OTOP1: variants seen among roughly 807,000 people sequenced by gnomAD.
The protein encoded by OTOP1 is otopetrin 1.
OTOP1 carries 59 observed loss-of-function variants against 52.9 expected under a neutral mutation model. The observed-to-expected ratio is 1.12, with a 90% confidence interval of 0.91 to 1.39. The LOEUF (loss-of-function observed/expected upper bound fraction) is 1.39, where lower values mean the gene tolerates loss of function less well. Ranked by LOEUF, OTOP1 falls within the 40% of genes most tolerant of loss-of-function variation. The pLI, the probability that OTOP1 is intolerant of heterozygous loss-of-function variation, is 0.00. For synonymous variants in OTOP1, 317 were observed against 337.7 expected (o/e 0.94, Z 0.67); for missense variants, 761 against 800.9 (o/e 0.95, Z 0.60).
chr4:4,198,207 C>A, intron 4 of OTOP1, 104 bp from the exon 5 acceptor site: 1 of 909,104 alleles, frequency 1.1e-6, no homozygotes, highest in Non-Finnish European at 1.7e-6. Context: ...CTTGGGTCTT[C>A]CCACTGGATT....
intron 4 of OTOP1, among the ~76,000 whole-genome samples, chr4:4,198,677 G>A (rs370770416): frequency 1.3e-5 from 2 of 152,166 alleles, no homozygotes; most frequent in Non-Finnish European, 2.9e-5. Flanking sequence ...GGAGACAGGC[G>A]CCGTCCGATA....
At chr4:4,222,413 C>T (rs1045548207) in intron 1 of OTOP1, among the ~76,000 whole-genome samples, 2 of 151,946 alleles carry the variant, frequency 1.3e-5, no homozygotes, top group Non-Finnish European at 2.9e-5. Context: ...CTGGACTGAC[C>T]CTCCTTTTGC....
chr4:4,215,747 T>C (rs1717132376), intron 1 of OTOP1, among the ~76,000 whole-genome samples: 1 of 152,158 alleles, frequency 6.6e-6, no homozygotes, highest in Admixed American at 6.6e-5. Context: ...CTCTGAACTG[T>C]CTTTGCAACT....
Position 4,198,068 on chromosome 4 carries a change from G to A in OTOP1, c.766C>T (p.Pro256Ser). The change falls in exon 5 of 6, where the codon CCC (proline) becomes TCC (serine). Residue 256 changes from proline (P) to serine (S), a missense_variant. Around this residue, in one of 3 missense-constraint regions of OTOP1, gnomAD observed 632 missense variants for 619.5 expected, o/e 1.02. Coordinates refer to ENST00000296358, the MANE Select transcript of OTOP1 (RefSeq NM_177998.3). ...GAGATGGCAGTGCACAGAGTTGGGG[G>A]CGTGCAGTTACACTGCGGTGTGTGG... ...DDHTPQCNCT[P>S]PTLCTAISHG... The A allele has an allele frequency of 6.2e-7, 1 of 1,614,160 alleles. No individual in the cohort carries two copies. The highest frequency in any genetic ancestry group is 8.5e-7 in the Non-Finnish European group (1 of 1,180,000).
At chr4:4,213,087 T>C in intron 1 of OTOP1, 83 bp from the exon 2 acceptor site, 1 of 1,509,754 alleles carries the variant, frequency 6.6e-7, no homozygotes, top group Non-Finnish European at 9.1e-7. Flanking sequence ...AATTATATTG[T>C]GTATTAAACC....
chr4:4,219,826 T>C (rs1164972917), intron 1 of OTOP1, among the ~76,000 whole-genome samples: 1 of 121,012 alleles, frequency 8.3e-6, no homozygotes, highest in African/African-American at 2.6e-5. Context: ...TATGTATACA[T>C]ATGTGTATAC....
Position 4,197,501 on chromosome 4 carries a change from C to A in OTOP1, c.1333G>T (p.Glu445Ter), listed in dbSNP as rs566380189. The A allele has an allele frequency of 3.7e-5, 59 of 1,613,746 alleles. No homozygotes were observed. Among genetic ancestry groups the A allele is most frequent in the Non-Finnish European group, 3.8e-5 (45 of 1,179,976 alleles). The change falls in exon 5 of 6, where the codon GAA (glutamate) becomes TAA (stop). Residue 445 changes from glutamate to a stop codon, truncating the protein, a stop_gained. Transcript: ENST00000296358. LOFTEE classifies it high-confidence loss of function. ...TTTTCAGGCTCTCGGTGAATGGATT[C>A]AAAGATGAAGAGGTTCTGGATGTAC... ...EKYIQNLFIFESIHREPEKLS... is the reference protein window; with the variant it reads ...EKYIQNLFIF
At chr4:4,199,231 T>TGAGA (rs1414526042) in intron 4 of OTOP1, among the ~76,000 whole-genome samples, 20 of 95,876 alleles carry the variant, frequency 2.1e-4, no homozygotes, top group African/African-American at 6.4e-4. Flanking sequence ...TGTGTGTGTG[T>TGAGA]GTGAGAGAGA....
At chr4:4,214,185 G>A (rs1329512291) in intron 1 of OTOP1, among the ~76,000 whole-genome samples, 1 of 152,120 alleles carries the variant, frequency 6.6e-6, no homozygotes, top group Non-Finnish European at 1.5e-5. Flanking sequence ...AAGATGGCCA[G>A]CAAGTACATG....
At chr4:4,194,466 C>T (rs1431723634) in intron 5 of OTOP1, among the ~76,000 whole-genome samples, 3 of 152,240 alleles carry the variant, frequency 2.0e-5, no homozygotes, top group African/African-American at 7.2e-5. Context: ...GGGCCTTCCG[C>T]CTTCAGCGCC....
At chr4:4,204,484 G>C (rs185492208) in intron 3 of OTOP1, among the ~76,000 whole-genome samples, 2 of 152,228 alleles carry the variant, frequency 1.3e-5, no homozygotes, top group Non-Finnish European at 2.9e-5. Context: ...CTGAACTCAA[G>C]GAGGTAGCAC....
rs1199701599 is a variant in OTOP1, at chr4:4,197,813, T to C, written c.1021A>G (p.Thr341Ala). 9 of 1,613,964 alleles carry C rather than the reference T, an allele frequency of 5.6e-6. No homozygotes were observed. The highest frequency in any genetic ancestry group is 7.6e-6 in the Non-Finnish European group (9 of 1,180,000). ...ATGATGAGTGCCGACTCGCTCTTGG[T>C]CTTGGAGCGCCCAATATGAATCAGG... ...VYLIHIGRSKTKSESALIMFY... is the reference protein window; with the variant it reads ...VYLIHIGRSKAKSESALIMFY... Residue 341 changes from threonine to alanine, a missense_variant, in exon 5 of 6, where the codon ACC becomes GCC. Coordinates refer to ENST00000296358, the MANE Select transcript of OTOP1 (RefSeq NM_177998.3).
At chr4:4,202,338 G>T in intron 4 of OTOP1, 110 bp downstream of exon 4, 1 of 1,474,864 alleles carries the variant, frequency 6.8e-7, no homozygotes, top group Non-Finnish European at 9.3e-7. Context: ...GAGTTGGGTG[G>T]CCCTGCAGTT....
At chr4:4,225,915 T>C (rs891367312) in intron 1 of OTOP1, among the ~76,000 whole-genome samples, 22 of 151,406 alleles carry the variant, frequency 1.5e-4, no homozygotes, top group Non-Finnish European at 2.9e-4. Flanking sequence ...GCGGGGAGAA[T>C]GGGGTGAGGC....
In OTOP1 at chr4:4,215,385, G is replaced by A. The variant is rs182188842; in HGVS notation, c.404-2381C>T. On this transcript the variant is annotated intron_variant, in intron 1 of 5. Coordinates refer to ENST00000296358, the MANE Select transcript of OTOP1 (RefSeq NM_177998.3). Reference sequence around the variant, plus strand: ...TAAAGAATAAGAGTGCAGCTGGCTGGGTGCAGTGGCTCACACCTGTAATCC... The same window carrying A: ...TAAAGAATAAGAGTGCAGCTGGCTGAGTGCAGTGGCTCACACCTGTAATCC... 8.1e-4 allele frequency among the ~76,000 whole-genome samples: 123 copies of A among 152,272 alleles called. 1 individual carries two copies. The East Asian group carries it at 0.022, about 27-fold the overall frequency.
intron 4 of OTOP1, among the ~76,000 whole-genome samples, chr4:4,201,749 A>G (rs1716793467): frequency 6.6e-6 from 1 of 152,176 alleles, no homozygotes; most frequent in South Asian, 2.1e-4. Flanking sequence ...ACAAATGAGA[A>G]AAGAGAGGCT....
intron 1 of OTOP1, among the ~76,000 whole-genome samples, chr4:4,219,143 T>C (rs1267631471): frequency 6.6e-6 from 1 of 152,164 alleles, no homozygotes; most frequent in African/African-American, 2.4e-5. Context: ...TATAAATTAT[T>C]ACTATAAATT....
chr4:4,191,282 T>G (rs1716498694), intron 5 of OTOP1, among the ~76,000 whole-genome samples: 1 of 152,186 alleles, frequency 6.6e-6, no homozygotes. Context: ...CTTTCTCACC[T>G]GGACCATGGC....
rs769897179 is a variant in OTOP1 at position 4,226,716 on chromosome 4, C to T, written c.149G>A (p.Arg50His). ...ESPAPRRGGV[R>H]ASVPQKLAEM... ...GGCCAGTTTCTGTGGGACGCTGGCG[C>T]GCACACCGCCCCGCCGGGGGGCCGG... Residue 50 changes from arginine (R) to histidine (H), a missense_variant, in exon 1 of 6, where the codon CGC becomes CAC. Physicochemically the swap from Arg to His is conservative, Grantham distance 29. Coordinates refer to ENST00000296358, the MANE Select transcript of OTOP1 (RefSeq NM_177998.3). 2.5e-5 allele frequency: 35 copies of T among 1,420,626 alleles called. No homozygotes were observed. The African/African-American group carries it at 3.9e-4, about 16-fold the overall frequency. 88.0% of individuals were successfully genotyped at this position (1,420,626 alleles called of 1,614,324 possible).
Sources: gnomAD v4.1 joint callset for allele counts (sites outside exome capture counted in the v4.1 genomes callset) on GRCh38, gnomAD v4.1.1 for gene constraint, gnomAD v4.1.1 regional missense constraint, MANE v1.5 for transcripts, NCBI Gene and HGNC (gene_info 2026-07-23, HGNC 2026-07-21) for gene names.